NXPH1: variants seen among roughly 807,000 people sequenced by gnomAD.
NXPH1 encodes the protein neurexophilin 1, also known as neurexophilin-1.
In NXPH1, 5 loss-of-function variants were observed where a neutral mutation model predicts 23.7. That is an observed-to-expected ratio of 0.21 (90% CI 0.11 to 0.44). The LOEUF is 0.44. Among genes scored for constraint, NXPH1 ranks in the 20% least tolerant of loss-of-function variants. NXPH1 has a pLI of 0.99. For missense variants in NXPH1, 324 were observed against 321.6 expected (o/e 1.01, Z -0.06); for synonymous variants, 144 against 122.2 (o/e 1.18, Z -1.18).
chr7:8,503,764 C>T (rs1326323683), intron 2 of NXPH1, among the ~76,000 whole-genome samples: 2 of 151,990 alleles, frequency 1.3e-5, no homozygotes, highest in South Asian at 4.1e-4. Context: ...ACACGGCCTG[C>T]CTAGCAGTCT....
At chr7:8,608,376 G>A (rs1248923133) in intron 2 of NXPH1, among the ~76,000 whole-genome samples, 1 of 147,474 alleles carries the variant, frequency 6.8e-6, no homozygotes, top group South Asian at 2.1e-4. Flanking sequence ...CATCCAGGCT[G>A]CAGTGCAGTG....
At chr7:8,436,827 C>G (rs1039993523) in intron 2 of NXPH1, among the ~76,000 whole-genome samples, 1 of 152,286 alleles carries the variant, frequency 6.6e-6, no homozygotes, top group Admixed American at 6.5e-5. Context: ...TGGCGCTCCT[C>G]AATCCCAAGA....
chr7:8,495,371 C>T (rs1203655053), intron 2 of NXPH1, among the ~76,000 whole-genome samples: 1 of 142,448 alleles, frequency 7.0e-6, no homozygotes, highest in East Asian at 1.9e-4. Flanking sequence ...TTAATCACAT[C>T]TAAAAAATAT....
chr7:8,462,413 G>A (rs1373248515), intron 2 of NXPH1, among the ~76,000 whole-genome samples: 1 of 152,182 alleles, frequency 6.6e-6, no homozygotes, highest in African/African-American at 2.4e-5. Context: ...CTTTACAAAT[G>A]TTAACTCATT....
intron 2 of NXPH1, among the ~76,000 whole-genome samples, chr7:8,750,101 C>T (rs1394743821): frequency 6.6e-6 from 1 of 152,136 alleles, no homozygotes; most frequent in Non-Finnish European, 1.5e-5. Flanking sequence ...AGTCACGTTC[C>T]TAGATCACAT....
intron 2 of NXPH1, among the ~76,000 whole-genome samples, chr7:8,576,309 C>T (rs1408947677): frequency 6.6e-6 from 1 of 152,034 alleles, no homozygotes; most frequent in Non-Finnish European, 1.5e-5. Context: ...TCATCCATGC[C>T]CTTTGGGGTA....
At chr7:8,648,251 G>C (rs1181942547) in intron 2 of NXPH1, among the ~76,000 whole-genome samples, 1 of 152,042 alleles carries the variant, frequency 6.6e-6, no homozygotes, top group Non-Finnish European at 1.5e-5. Context: ...CAAATAGTAG[G>C]TTTTATTCAT....
chr7:8,441,926 G>A lies in NXPH1; in HGVS notation c.54+6159G>A, dbSNP rs1444713225. Reference sequence around the variant, plus strand: ...TGATTGCGGAGGTGGGAGCCGGCAGGGGGTCTGTGGGGGTGGGCGGGGAGG... The same window carrying A: ...TGATTGCGGAGGTGGGAGCCGGCAGAGGGTCTGTGGGGGTGGGCGGGGAGG... On this transcript the variant is annotated intron_variant, in intron 2 of 2. Coordinates refer to ENST00000405863, the MANE Select transcript of NXPH1 (RefSeq NM_152745.3). Among the ~76,000 whole-genome samples, 4 of 151,240 alleles carry A rather than the reference G, an allele frequency of 2.6e-5. No homozygotes were observed. In the South Asian group the frequency reaches 8.5e-4, roughly 32 times the overall value.
At chr7:8,473,546 C>T (rs961327801) in intron 2 of NXPH1, among the ~76,000 whole-genome samples, 2 of 152,090 alleles carry the variant, frequency 1.3e-5, no homozygotes, top group African/African-American at 4.8e-5. Flanking sequence ...TTCCATGTAA[C>T]TTATTATTGT....
intron 2 of NXPH1, among the ~76,000 whole-genome samples, chr7:8,443,973 G>C (rs2349191): frequency 0.68 from 103,369 of 152,088 alleles, 37,825 homozygotes; most frequent in East Asian, 0.88. Context: ...CTGTCTGCAC[G>C]CCCTAGAGCA....
intron 2 of NXPH1, among the ~76,000 whole-genome samples, chr7:8,441,199 G>A (rs990699183): frequency 1.3e-5 from 2 of 152,152 alleles, no homozygotes; most frequent in East Asian, 3.9e-4. Flanking sequence ...GAGAGCGGTT[G>A]GGTCAGCGGC....
intron 2 of NXPH1, among the ~76,000 whole-genome samples, chr7:8,649,068 T>C (rs1220289011): frequency 6.6e-6 from 1 of 152,030 alleles, no homozygotes; most frequent in Non-Finnish European, 1.5e-5. Context: ...TTCCTTTTGA[T>C]GGTACTTATT....
chr7:8,456,402 T>A (rs1563315397), intron 2 of NXPH1, among the ~76,000 whole-genome samples: 1 of 152,218 alleles, frequency 6.6e-6, no homozygotes, highest in Admixed American at 6.5e-5. Context: ...AATTTTACAA[T>A]ATAATCTGTC....
chr7:8,582,007 A>T (rs1818885415), intron 2 of NXPH1, among the ~76,000 whole-genome samples: 1 of 152,104 alleles, frequency 6.6e-6, no homozygotes, highest in Admixed American at 6.5e-5. Context: ...TGGGTGAGCA[A>T]GTGCTGGGTC....
intron 2 of NXPH1, among the ~76,000 whole-genome samples, chr7:8,599,314 C>G (rs1323610421): frequency 6.6e-6 from 1 of 152,060 alleles, no homozygotes; most frequent in Non-Finnish European, 1.5e-5. Flanking sequence ...TCATTACGCT[C>G]TACGATTTCA....
chr7:8,739,726 CACAA>C (rs933727035), intron 2 of NXPH1, among the ~76,000 whole-genome samples: 5 of 152,046 alleles, frequency 3.3e-5, no homozygotes, highest in Admixed American at 3.3e-4. Context: ...TAGGTTAAAA[CACAA>C]ACACACTATA....
chr7:8,498,592 GTC>G (rs1385569279), intron 2 of NXPH1, among the ~76,000 whole-genome samples: 9 of 151,780 alleles, frequency 5.9e-5, no homozygotes, highest in African/African-American at 7.3e-5. Context: ...ATTGAAAATA[GTC>G]TCTCATTTTT....
chr7:8,462,097 G>A (rs7793292), intron 2 of NXPH1, among the ~76,000 whole-genome samples: 24,116 of 152,004 alleles, frequency 0.16, 4,871 homozygotes, highest in African/African-American at 0.47. Context: ...CACCCAGGCT[G>A]GAGTGCAGTG....
chr7:8,565,339 C>T (rs1231132460), intron 2 of NXPH1, among the ~76,000 whole-genome samples: 2 of 151,740 alleles, frequency 1.3e-5, no homozygotes, highest in African/African-American at 2.4e-5. Context: ...ATTTTAAGCA[C>T]GCAATGCAGG....
Sources: gnomAD v4.1 joint callset for allele counts (sites outside exome capture counted in the v4.1 genomes callset) on GRCh38, gnomAD v4.1.1 for gene constraint, MANE v1.5 for transcripts, NCBI Gene and HGNC (gene_info 2026-07-23, HGNC 2026-07-21) for gene names.